The following SCLT1 variants were observed in gnomAD, a reference collection of about 807,000 sequenced individuals.
The protein encoded by SCLT1 is sodium channel and clathrin linker 1, also known as sodium channel-associated protein 1.
In SCLT1, 78 loss-of-function variants were observed where a neutral mutation model predicts 112.8. The ratio of observed to expected loss-of-function variants is 0.69; its 90% CI spans 0.58 to 0.83. The LOEUF (loss-of-function observed/expected upper bound fraction) is 0.83, where lower values mean the gene tolerates loss of function less well. SCLT1 is among the 40% of genes least tolerant of loss of function. SCLT1 has a pLI of 0.00. For synonymous variants in SCLT1, 257 were observed against 254.7 expected, an observed-to-expected ratio of 1.01 and a Z score of -0.09; for missense variants, 747 against 770.4, an observed-to-expected ratio of 0.97 and a Z score of 0.36.
chr4:129,076,532 T>C (rs1284120755), intron 2 of SCLT1, among the ~76,000 whole-genome samples: 1 of 151,982 alleles, frequency 6.6e-6, no homozygotes, highest in Non-Finnish European at 1.5e-5. Context: ...TCAGAGAAAA[T>C]AAACTTATTT....
At chr4:128,937,088 A>G in intron 17 of SCLT1, among the ~76,000 whole-genome samples, 1 of 151,468 alleles carries the variant, frequency 6.6e-6, no homozygotes, top group Non-Finnish European at 1.5e-5. Context: ...GAGCAGCCTG[A>G]CCAACATGGT....
chr4:128,948,569 T>G lies in SCLT1; in HGVS notation c.1220A>C (p.Glu407Ala). 15 of 1,596,172 alleles carry G rather than the reference T, an allele frequency of 9.4e-6. No homozygotes were observed. The highest frequency in any genetic ancestry group is 1.3e-5 in the Non-Finnish European group (15 of 1,165,960). The part of the protein sequence containing the change: ...LTEELSALQM[E>A]CAEKQGQIER... ...AATTTGGCCTTGTTTTTCAGCACAC[T>G]CCTATAAATTCAAGTCATATTGTAA... is the stretch of plus-strand genomic sequence containing the variant. Residue 407 changes from glutamate to alanine, a missense_variant and splice_region_variant, in exon 15 of 21, where the codon GAG (glutamate) becomes GCG (alanine). This residue lies in a region of SCLT1 where 723 missense variants were observed against 721.3 expected (regional missense o/e 1.00). Coordinates refer to ENST00000281142, the MANE Select transcript of SCLT1 (RefSeq NM_144643.4).
At chr4:128,940,141 A>G (rs985334828) in intron 17 of SCLT1, among the ~76,000 whole-genome samples, 1 of 152,076 alleles carries the variant, frequency 6.6e-6, no homozygotes, top group Non-Finnish European at 1.5e-5. Flanking sequence ...TAGATAGGAA[A>G]AATTCATTGA....
intron 18 of SCLT1, among the ~76,000 whole-genome samples, chr4:128,897,532 T>C (rs1046617053): frequency 1.4e-5 from 2 of 147,192 alleles, no homozygotes; most frequent in African/African-American, 2.6e-5. Context: ...GCACTAAACA[T>C]GGAAAGGAAC....
intron 2 of SCLT1, among the ~76,000 whole-genome samples, chr4:129,062,194 A>C (rs999915944): frequency 1.3e-5 from 2 of 152,070 alleles, no homozygotes; most frequent in African/African-American, 2.4e-5. Context: ...GTGTAATGGA[A>C]GCCCGTCATT....
chr4:128,909,739 G>T (rs1328816871), intron 18 of SCLT1, among the ~76,000 whole-genome samples: 5 of 152,192 alleles, frequency 3.3e-5, no homozygotes, highest in Non-Finnish European at 7.3e-5. Flanking sequence ...TGTAGACTAG[G>T]AATATGTCCG....
At chr4:129,003,298 AG>A (rs1743682755) in intron 6 of SCLT1, among the ~76,000 whole-genome samples, 1 of 152,026 alleles carries the variant, frequency 6.6e-6, no homozygotes, top group African/African-American at 2.4e-5. Flanking sequence ...GTTGAGGGCT[AG>A]GGGAGGGATA....
chr4:128,884,572 A>G lies in SCLT1; in HGVS notation c.2005-33T>C, dbSNP rs759300563. The G allele has an allele frequency of 1.2e-5, 16 of 1,389,546 alleles. No homozygotes were observed. In the South Asian group the frequency reaches 1.8e-4, roughly 15 times the overall value. 86.1% of individuals were successfully genotyped at this position (1,389,546 alleles called of 1,614,324 possible). On this transcript the variant is annotated intron_variant, in intron 20 of 20. Coordinates refer to ENST00000281142, the MANE Select transcript of SCLT1 (RefSeq NM_144643.4). ...TAAAATAAACAATCGGTAAGTAGTTACTTTTTCTGTGGAAAATCTTAGATT... is the reference window on the plus strand; with the variant it reads ...TAAAATAAACAATCGGTAAGTAGTTGCTTTTTCTGTGGAAAATCTTAGATT...
intron 18 of SCLT1, among the ~76,000 whole-genome samples, chr4:128,899,485 TA>T (rs1734082874): frequency 6.6e-6 from 1 of 150,684 alleles, no homozygotes; most frequent in South Asian, 2.1e-4. Flanking sequence ...CCATTCATGC[TA>T]AAAACTCTCA....
intron 3 of SCLT1, among the ~76,000 whole-genome samples, chr4:128,876,973 A>C (rs1010082962): frequency 1.3e-5 from 2 of 152,220 alleles, no homozygotes; most frequent in African/African-American, 4.8e-5. Flanking sequence ...ACCATTTGCT[A>C]TATAATTCAG....
chr4:129,091,655 A>C (rs1352888896), intron 1 of SCLT1, among the ~76,000 whole-genome samples: 1 of 152,158 alleles, frequency 6.6e-6, no homozygotes, highest in Non-Finnish European at 1.5e-5. Context: ...TAGTGTCATT[A>C]ATTATTTTAG....
intron 15 of SCLT1, 57 bp downstream of exon 15, chr4:128,948,439 T>C: frequency 1.3e-6 from 2 of 1,576,496 alleles, no homozygotes; most frequent in Non-Finnish European, 1.7e-6. Context: ...AGGCAGACAG[T>C]AATGTTGCAT....
At chr4:129,024,721 G>A (rs983143940) in intron 5 of SCLT1, among the ~76,000 whole-genome samples, 26 of 152,162 alleles carry the variant, frequency 1.7e-4, no homozygotes, top group Admixed American at 7.2e-4. Context: ...CGAGTTGAGA[G>A]AAGAAGGCTT....
chr4:129,049,487 G>T lies in SCLT1; in HGVS notation c.103-5436C>A, dbSNP rs59238694. 5.6e-3 allele frequency among the ~76,000 whole-genome samples: 621 copies of T among 110,512 alleles called. 2 individuals are homozygous for T. The highest frequency in any genetic ancestry group is 0.019 in the African/African-American group (566 of 29,662). The allele number at this position is 110,512 out of a possible 152,430, so 72.5% of individuals were successfully genotyped here. On this transcript the variant is annotated intron_variant, in intron 2 of 20. Transcript: ENST00000281142. ...CACTCTGGGGACTGTTGTGGGGTGG[G>T]GGGAGGGGGGAGGGATAGCATTAGG... is the stretch of plus-strand genomic sequence containing the variant.
intron 14 of SCLT1, among the ~76,000 whole-genome samples, chr4:128,949,255 T>C (rs1190642965): frequency 6.9e-6 from 1 of 144,986 alleles, no homozygotes; most frequent in Non-Finnish European, 1.5e-5. Flanking sequence ...GGTGCACATG[T>C]GTATGTTAAT....
intron 9 of SCLT1, among the ~76,000 whole-genome samples, chr4:128,979,375 T>C (rs1741452008): frequency 6.6e-6 from 1 of 152,106 alleles, no homozygotes; most frequent in Admixed American, 6.6e-5. Flanking sequence ...CCCTCGAAAA[T>C]GGGATTAGTG....
At chr4:128,965,587 A>G (rs1740109060) in intron 10 of SCLT1, among the ~76,000 whole-genome samples, 2 of 152,228 alleles carry the variant, frequency 1.3e-5, no homozygotes, top group East Asian at 3.8e-4. Flanking sequence ...CTATTTCTAT[A>G]GTACAAGTCT....
chr4:129,010,556 A>G (rs1329636725), intron 5 of SCLT1, among the ~76,000 whole-genome samples: 2 of 152,076 alleles, frequency 1.3e-5, no homozygotes, highest in African/African-American at 4.8e-5. Flanking sequence ...AGCATGGAAC[A>G]TTTTTTCATT....
intron 13 of SCLT1, among the ~76,000 whole-genome samples, chr4:128,953,655 C>T (rs994003062): frequency 4.0e-5 from 6 of 151,624 alleles, no homozygotes; most frequent in Admixed American, 6.6e-5. Context: ...AAAAATTAGC[C>T]GGGCATGGTG....
Sources: allele counts gnomAD v4.1 joint callset (sites outside exome capture counted in the v4.1 genomes callset), GRCh38; gene constraint gnomAD v4.1.1; regional missense constraint gnomAD v4.1.1; transcripts MANE v1.5; gene names NCBI Gene and HGNC (gene_info 2026-07-23, HGNC 2026-07-21).